Variants in PPP4R4 observed in about 807,000 individuals in gnomAD.
The protein encoded by PPP4R4 is serine/threonine-protein phosphatase 4 regulatory subunit 4.
A neutral mutation model predicts 121.8 loss-of-function variants in PPP4R4; 70 were observed. The ratio of observed to expected loss-of-function variants is 0.57; its 90% CI spans 0.47 to 0.70. The LOEUF is 0.70. Ranked by LOEUF, PPP4R4 falls within the 30% of genes least tolerant of loss-of-function variation. The pLI is 0.00. For synonymous variants in PPP4R4, 348 were observed against 355.7 expected, an observed-to-expected ratio of 0.98 and a Z score of 0.24; for missense variants, 875 against 1,033.6, an observed-to-expected ratio of 0.85 and a Z score of 2.10.
intron 15 of PPP4R4, among the ~76,000 whole-genome samples, chr14:94,250,822 C>T (rs1351116899): frequency 2.0e-5 from 3 of 151,968 alleles, no homozygotes; most frequent in Non-Finnish European, 4.4e-5. Context: ...AATAGTTGCA[C>T]ACACCTATAT....
At chr14:94,222,824 A>G (rs750713086) in intron 3 of PPP4R4, among the ~76,000 whole-genome samples, 4 of 152,008 alleles carry the variant, frequency 2.6e-5, no homozygotes, top group Admixed American at 6.5e-5. Context: ...ATCTTTTTAC[A>G]TGTGCCTCTG....
chr14:94,240,978 C>T (rs1220263574), intron 9 of PPP4R4, among the ~76,000 whole-genome samples, 183 bp downstream of exon 9: 1 of 151,978 alleles, frequency 6.6e-6, no homozygotes, highest in Non-Finnish European at 1.5e-5. Context: ...ACTTTTTCAC[C>T]AATAGAACCT....
At chr14:94,272,740 A>C (rs1408686339) in intron 23 of PPP4R4, among the ~76,000 whole-genome samples, 2 of 152,204 alleles carry the variant, frequency 1.3e-5, no homozygotes, top group Non-Finnish European at 2.9e-5. Flanking sequence ...TGTTTGCAAA[A>C]CACATAATCT....
At chr14:94,219,369 A>C (rs967203785) in intron 3 of PPP4R4, among the ~76,000 whole-genome samples, 1 of 152,084 alleles carries the variant, frequency 6.6e-6, no homozygotes, top group Non-Finnish European at 1.5e-5. Flanking sequence ...CCTGGCTGTA[A>C]AGGAAATTAT....
In PPP4R4 at chr14:94,224,377, A is replaced by G. The variant is rs775471855; in HGVS notation, c.295-6210A>G. 2.9e-4 allele frequency among the ~76,000 whole-genome samples: 44 copies of G among 152,312 alleles called. No individual in the cohort carries two copies. In the Middle Eastern group the frequency reaches 0.014, roughly 47 times the overall value. ...AATGGAAGGGATGTAGTGGGTGAGG[A>G]TCACTTGGAATCTGTTACCCTTACC... On this transcript the variant is annotated intron_variant, in intron 3 of 24. Transcript: ENST00000304338.
intron 2 of PPP4R4, among the ~76,000 whole-genome samples, chr14:94,190,582 T>C (rs1889539827): frequency 6.6e-6 from 1 of 152,114 alleles, no homozygotes; most frequent in African/African-American, 2.4e-5. Flanking sequence ...GCCTGGGCGA[T>C]GCAGGGAGAC....
rs776528699 is a variant in PPP4R4, at chr14:94,275,392, G to A, written c.2468G>A (p.Arg823His). Residue 823 changes from arginine (R) to histidine (H), a missense_variant, in exon 24 of 25, where the codon CGT becomes CAT. Physicochemically the swap from Arg to His is conservative, Grantham distance 29 (BLOSUM62 0). Coordinates refer to ENST00000304338, the MANE Select transcript of PPP4R4 (RefSeq NM_058237.2). ...LSLADDSFRT[R>H]NASSVPSSFS... is the part of the protein sequence containing the mutation. ...CTTTCAGATGATTCATTCCGGACTC[G>A]TAATGCCAGTAGCGTTCCATCTTCC... 3.6e-5 allele frequency: 58 copies of A among 1,613,740 alleles called. No homozygotes were observed. The highest frequency in any genetic ancestry group is 4.8e-5 in the Non-Finnish European group (57 of 1,179,854).
chr14:94,227,251 G>T (rs1311555806), intron 3 of PPP4R4: 6 of 1,535,720 alleles, frequency 3.9e-6, no homozygotes, highest in Non-Finnish European at 3.6e-6. Flanking sequence ...ATGCACTTAA[G>T]CAATAGAGGA....
intron 3 of PPP4R4, among the ~76,000 whole-genome samples, chr14:94,220,515 T>C (rs1566666965): frequency 6.6e-6 from 1 of 152,054 alleles, no homozygotes; most frequent in East Asian, 1.9e-4. Context: ...AAAAGAAAAA[T>C]GCTGGAACTT....
chr14:94,198,934 A>G (rs1283770704), intron 2 of PPP4R4, among the ~76,000 whole-genome samples: 2 of 152,146 alleles, frequency 1.3e-5, no homozygotes, highest in Non-Finnish European at 2.9e-5. Context: ...TAGCTCTGTG[A>G]TAGGTTTTAA....
At chr14:94,244,486 TTTTTATA>T in intron 11 of PPP4R4, 142 bp from the exon 12 acceptor site, 1 of 618,086 alleles carries the variant, frequency 1.6e-6, no homozygotes, top group Non-Finnish European at 2.4e-6. Context: ...GTGCCACTAA[TTTTTATA>T]GAATCTAATT....
In PPP4R4 at chr14:94,228,351, C is replaced by T. The variant is rs577033718; in HGVS notation, c.295-2236C>T. ...GGTAGACAATTGTTTGTTAGAGTTGCCAGTTATTAGCTTGCTGGCCTTTAT... is the reference window on the plus strand; with the variant it reads ...GGTAGACAATTGTTTGTTAGAGTTGTCAGTTATTAGCTTGCTGGCCTTTAT... On this transcript the variant is annotated intron_variant, in intron 3 of 24. Coordinates refer to ENST00000304338, the MANE Select transcript of PPP4R4 (RefSeq NM_058237.2). Among the ~76,000 whole-genome samples the T allele has an allele frequency of 3.3e-5, 5 of 152,260 alleles. No homozygotes were observed. The South Asian group carries it at 1.0e-3, about 32-fold the overall frequency.
chr14:94,177,179 C>T (rs1888722834), intron 2 of PPP4R4, among the ~76,000 whole-genome samples: 1 of 152,108 alleles, frequency 6.6e-6, no homozygotes, highest in Non-Finnish European at 1.5e-5. Flanking sequence ...AGAATATCAG[C>T]ATATTTACCA....
chr14:94,227,791 T>G, intron 3 of PPP4R4: 1 of 987,712 alleles, frequency 1.0e-6, no homozygotes, highest in Non-Finnish European at 1.2e-6. Context: ...CAATTGATTT[T>G]AATATTTATT....
At chr14:94,183,892 AATAAG>A (rs757612179) in intron 2 of PPP4R4, among the ~76,000 whole-genome samples, 3 of 151,946 alleles carry the variant, frequency 2.0e-5, no homozygotes, top group East Asian at 1.9e-4. Context: ...TAATCTATAA[AATAAG>A]ATAATATATA....
chr14:94,179,491 T>G (rs1048707608), intron 2 of PPP4R4, among the ~76,000 whole-genome samples: 1 of 152,244 alleles, frequency 6.6e-6, no homozygotes, highest in Non-Finnish European at 1.5e-5. Flanking sequence ...TTGGGTTGTT[T>G]CCACTTAATT....
intron 23 of PPP4R4, among the ~76,000 whole-genome samples, chr14:94,274,058 T>C (rs569689846): frequency 1.4e-4 from 21 of 152,264 alleles, no homozygotes; most frequent in African/African-American, 4.8e-4. Context: ...TGACCACATG[T>C]ACACATTATT....
Position 94,251,737 on chromosome 14 carries a change from T to C in PPP4R4, c.1718-12T>C. The C allele has an allele frequency of 6.6e-7, 1 of 1,522,758 alleles. No homozygotes were observed. The highest frequency in any genetic ancestry group is 1.3e-5 in the South Asian group (1 of 77,134). The allele number at this position is 1,522,758 out of a possible 1,614,324, so 94.3% of individuals were successfully genotyped here. On this transcript the variant is annotated splice_polypyrimidine_tract_variant and intron_variant, in intron 15 of 24. Transcript: ENST00000304338. ...AAAATTAACTTAAGATAATTTTTGT[T>C]GTTGTTTCTAGAATTGGGCCAAGGA...
chr14:94,174,602 C>A lies in PPP4R4; in HGVS notation c.117+20C>A, dbSNP rs1265913533. On this transcript the variant is annotated intron_variant, in intron 1 of 24. Transcript: ENST00000304338. Reference sequence around the variant, plus strand: ...CTCAAGGTGCGCCCCGGGGAGAGGACCTGCCCTCACGGCGTCCGGCCGCCT... The same window carrying A: ...CTCAAGGTGCGCCCCGGGGAGAGGAACTGCCCTCACGGCGTCCGGCCGCCT... 3 of 1,607,564 alleles carry A rather than the reference C, an allele frequency of 1.9e-6. No homozygotes were observed. Among genetic ancestry groups the A allele is most frequent in the Non-Finnish European group, 2.5e-6 (3 of 1,177,260 alleles).
Sources: gnomAD v4.1 joint callset for allele counts (sites outside exome capture counted in the v4.1 genomes callset) on GRCh38, gnomAD v4.1.1 for gene constraint, MANE v1.5 for transcripts, NCBI Gene and HGNC (gene_info 2026-07-23, HGNC 2026-07-21) for gene names.